The following SBNO1 variants were observed in gnomAD, a reference collection of about 807,000 sequenced individuals.
SBNO1 encodes protein strawberry notch homolog 1.
In SBNO1, 23 loss-of-function variants were observed where a neutral mutation model predicts 173.6. The observed-to-expected ratio is 0.13, with a 90% CI of 0.10 to 0.19. The LOEUF (loss-of-function observed/expected upper bound fraction) is 0.19. Among genes scored for constraint, SBNO1 ranks in the 10% least tolerant of loss-of-function variants. The pLI is 1.00. For synonymous variants in SBNO1, 632 were observed against 571.5 expected, an observed-to-expected ratio of 1.11 and a Z score of -1.51; for missense variants, 1,238 against 1,671.2, an observed-to-expected ratio of 0.74 and a Z score of 4.52.
intron 1 of SBNO1, among the ~76,000 whole-genome samples, chr12:123,360,927 ATGG>A (rs1875078267): frequency 6.6e-6 from 1 of 152,038 alleles, no homozygotes; most frequent in African/African-American, 2.4e-5. Context: ...CCTGGCCAAC[ATGG>A]TGAAGCCCCA....
intron 19 of SBNO1, 83 bp from the exon 20 acceptor site, chr12:123,320,114 G>C: frequency 6.8e-7 from 1 of 1,469,790 alleles, no homozygotes; most frequent in Non-Finnish European, 9.4e-7. Context: ...GAAGACACTT[G>C]GGAGATAAGA....
intron 1 of SBNO1, among the ~76,000 whole-genome samples, chr12:123,361,144 T>C (rs1344622531): frequency 6.6e-6 from 1 of 152,014 alleles, no homozygotes; most frequent in Non-Finnish European, 1.5e-5. Context: ...CTTGGGAGGC[T>C]AAGGCAGGAG....
At position 123,327,047 on chromosome 12, in the gene SBNO1, C is replaced by T. The variant is rs574597036; in HGVS notation, c.1692+379G>A. ...TTGCGATGGAGTATCCCTCTGTTAC[C>T]CAAGCTGGAGTGCACTGGCACCATC... is the stretch of plus-strand genomic sequence containing the variant. On this transcript the variant is annotated intron_variant, in intron 13 of 31. Transcript: ENST00000602398. 1.1e-4 allele frequency among the ~76,000 whole-genome samples: 17 copies of T among 152,026 alleles called. No homozygotes were observed. The East Asian group carries it at 2.7e-3, about 24-fold the overall frequency.
At chr12:123,312,697 C>G (rs370821245) in intron 24 of SBNO1, among the ~76,000 whole-genome samples, 43 of 146,722 alleles carry the variant, frequency 2.9e-4, no homozygotes, top group East Asian at 2.7e-3. Flanking sequence ...GGTGACAGCA[C>G]GAGACCCCGT....
intron 30 of SBNO1, among the ~76,000 whole-genome samples, chr12:123,302,435 G>A (rs1593325361): frequency 6.6e-6 from 1 of 151,088 alleles, no homozygotes; most frequent in Non-Finnish European, 1.5e-5. Flanking sequence ...GTAGAGATGG[G>A]GTTTCACCAT....
chr12:123,347,077 C>CAAA (rs397957462), intron 3 of SBNO1, among the ~76,000 whole-genome samples: 12 of 109,676 alleles, frequency 1.1e-4, no homozygotes, highest in Non-Finnish European at 1.5e-4. Context: ...GTCTCCGTCT[C>CAAA]AAAAAAAAAA....
intron 24 of SBNO1, among the ~76,000 whole-genome samples, chr12:123,311,720 C>CTATATATATATATATATATATA (rs56718635): frequency 7.8e-6 from 1 of 127,434 alleles, no homozygotes; most frequent in African/African-American, 3.2e-5. Context: ...ATCTATCTAT[C>CTATATATATATATATATATATA]TATATATATA....
chr12:123,322,444 C>CG (rs1233545263), intron 16 of SBNO1, among the ~76,000 whole-genome samples: 1 of 152,124 alleles, frequency 6.6e-6, no homozygotes, highest in East Asian at 1.9e-4. Flanking sequence ...ATAAGGCGCC[C>CG]CTGCCGCCAG....
chr12:123,359,437 T>C (rs10773018), intron 1 of SBNO1, among the ~76,000 whole-genome samples: 144,508 of 151,684 alleles, frequency 0.95, 68,957 homozygotes, highest in Non-Finnish European at 0.96. Context: ...TGGCACACAC[T>C]TGTAATCCCA....
In SBNO1 at chr12:123,350,149, G is replaced by A. The variant is rs1593409854; in HGVS notation, c.132+161C>T. Among the ~76,000 whole-genome samples the A allele has an allele frequency of 1.3e-5, 2 of 151,972 alleles. 1 individual carries two copies. The highest frequency in any genetic ancestry group is 4.8e-5 in the African/African-American group (2 of 41,346). ...CGTGCCTATAGTCCCAGCTACTTGG[G>A]GGGCTGAGGCAGAAGGATGGTTTGA... On this transcript the variant is annotated intron_variant, in intron 2 of 31. Coordinates refer to ENST00000602398, the MANE Select transcript of SBNO1 (RefSeq NM_001167856.3).
Position 123,364,736 on chromosome 12 carries a change from C to CCGG in SBNO1, c.-39_-37dup, listed in dbSNP as rs1248364992. 22 of 987,598 alleles carry CCGG rather than the reference C, an allele frequency of 2.2e-5. No individual in the cohort carries two copies. Among genetic ancestry groups the CCGG allele is most frequent in the Middle Eastern group, 1.0e-3 (2 of 1,948 alleles). The allele number at this position is 987,598 out of a possible 1,614,324, so 61.2% of individuals were successfully genotyped here. On this transcript the variant is annotated 5_prime_UTR_variant, in exon 1 of 32. Coordinates refer to ENST00000602398, the MANE Select transcript of SBNO1 (RefSeq NM_001167856.3). ...GGACCCGGCGCCAGCACAGCTCCTC[C>CCGG]CGGGAGGTGTGAGTTTGAAGGACCA...
intron 3 of SBNO1, among the ~76,000 whole-genome samples, chr12:123,347,344 A>G (rs1040000079): frequency 1.3e-5 from 2 of 149,726 alleles, no homozygotes; most frequent in East Asian, 4.0e-4. Flanking sequence ...CTCCTGCCTC[A>G]GCCTCCCGAG....
At chr12:123,306,977 G>GT (rs1284195841) in intron 28 of SBNO1, among the ~76,000 whole-genome samples, 2 of 136,148 alleles carry the variant, frequency 1.5e-5, no homozygotes, top group Non-Finnish European at 3.1e-5. Context: ...AAGCCTAGGA[G>GT]TTTGAGACCA....
At chr12:123,314,871 T>C (rs373611846) in intron 23 of SBNO1, among the ~76,000 whole-genome samples, 3 of 151,490 alleles carry the variant, frequency 2.0e-5, no homozygotes, top group Non-Finnish European at 4.4e-5. Context: ...TCTGGGATTA[T>C]AGGTGTGAGC....
intron 1 of SBNO1, among the ~76,000 whole-genome samples, chr12:123,355,318 T>C (rs1874326265): frequency 1.3e-5 from 2 of 150,912 alleles, no homozygotes; most frequent in Admixed American, 1.3e-4. Flanking sequence ...CATGCCCAGC[T>C]GAGACCCTGT....
At chr12:123,297,239 G>A (rs755240998) in intron 31 of SBNO1, among the ~76,000 whole-genome samples, 16 of 142,738 alleles carry the variant, frequency 1.1e-4, no homozygotes, top group Non-Finnish European at 2.4e-4. Context: ...GTGCATGCCT[G>A]TAATCCCAGC....
At chr12:123,364,612 TG>T (rs1875911881) in intron 1 of SBNO1, 88 bp downstream of exon 1, 1 of 943,908 alleles carries the variant, frequency 1.1e-6, no homozygotes, top group Non-Finnish European at 1.2e-6. Flanking sequence ...CCCCCCAGCC[TG>T]GCCCCGCACG....
Position 123,320,724 on chromosome 12 carries a change from G to C in SBNO1, c.2466C>G (p.Ile822Met). 1 of 1,609,800 alleles carries C rather than the reference G, an allele frequency of 6.2e-7. No homozygotes were observed. The highest frequency in any genetic ancestry group is 1.3e-5 in the African/African-American group (1 of 74,660). ...KRPSFSSTPV[I>M]SPAPNSTPAN... is the part of the protein sequence containing the mutation. ...CTGGTGTACTGTTAGGAGCAGGTGA[G>C]ATAACTGGTGTAGATGAAAAACTAG... Residue 822 changes from isoleucine to methionine, a missense_variant, in exon 18 of 32, where the codon ATC becomes ATG. Around this residue, in one of 14 missense-constraint regions of SBNO1, gnomAD observed 74 missense variants for 68.5 expected, o/e 1.08. Transcript: ENST00000602398.
In SBNO1 at chr12:123,321,620, G is replaced by A. The variant is rs748034714; in HGVS notation, c.2238C>T (p.Asp746=). ...AACTCATGTTTTTAGAGCTCTCATAGTCACTTTCTTCATTATCAGAGGCAT... is the reference window on the plus strand; with the variant it reads ...AACTCATGTTTTTAGAGCTCTCATAATCACTTTCTTCATTATCAGAGGCAT... ...ESDASDNEES[D]YESSKNMSSG... is the part of the protein sequence containing the mutation. Residue 746 remains aspartate, a synonymous_variant, in exon 17 of 32, where the codon GAC becomes GAT. Transcript: ENST00000602398. 3.7e-6 allele frequency: 6 copies of A among 1,613,930 alleles called. No homozygotes were observed. Among genetic ancestry groups the A allele is most frequent in the Non-Finnish European group, 5.1e-6 (6 of 1,179,892 alleles).
Sources: allele counts gnomAD v4.1 joint callset (sites outside exome capture counted in the v4.1 genomes callset), GRCh38; gene constraint gnomAD v4.1.1; regional missense constraint gnomAD v4.1.1; transcripts MANE v1.5; gene names NCBI Gene and HGNC (gene_info 2026-07-23, HGNC 2026-07-21).